The following DGKK variants were observed in gnomAD, a reference collection of about 807,000 sequenced individuals.
The protein encoded by DGKK is 142 kDa diacylglycerol kinase.
A neutral mutation model predicts 92.2 loss-of-function variants in DGKK; 35 were observed. That is an observed-to-expected ratio of 0.38 (90% confidence interval 0.29 to 0.50). DGKK has a LOEUF of 0.50. Ranked by LOEUF, DGKK falls within the 20% of genes least tolerant of loss-of-function variation. The pLI, the probability that DGKK is intolerant of heterozygous loss-of-function variation, is 0.92. For synonymous variants in DGKK, 368 were observed against 360.6 expected (o/e 1.02, Z -0.23); for missense variants, 910 against 992.2 (o/e 0.92, Z 1.11).
At chrX:50,386,249 T>G in intron 15 of DGKK, 109 bp downstream of exon 15, 2 of 551,218 alleles carry the variant, frequency 3.6e-6, no homozygotes, top group South Asian at 3.0e-5. Context: ...GAATCTAGAC[T>G]TTTTGTAGCA....
At chrX:50,403,395 T>C in intron 6 of DGKK, 96 bp downstream of exon 6, 1 of 925,403 alleles carries the variant, frequency 1.1e-6, no homozygotes, top group Non-Finnish European at 1.6e-6. Context: ...GGACTTTGCT[T>C]ATCTGGAGTT....
chrX:50,408,096 C>T (rs56393909), intron 4 of DGKK, among the ~76,000 whole-genome samples: 2 of 112,528 alleles, frequency 1.8e-5, no homozygotes. Flanking sequence ...CTGCTGTTGC[C>T]ATCATAGGCC....
chrX:50,372,381 C>T (rs1309683530), intron 25 of DGKK, among the ~76,000 whole-genome samples: 1 of 112,090 alleles, frequency 8.9e-6, no homozygotes, highest in East Asian at 2.8e-4. Context: ...ATAGCCTGCC[C>T]TCTATACAAC....
At chrX:50,465,336 G>A (rs782248625) in intron 1 of DGKK, among the ~76,000 whole-genome samples, 4 of 108,278 alleles carry the variant, frequency 3.7e-5, no homozygotes, top group South Asian at 4.0e-4. Context: ...CTTTCTTTTC[G>A]TTTTTAAAAT....
chrX:50,442,653 A>G (rs782176694), intron 1 of DGKK, among the ~76,000 whole-genome samples: 1 of 111,482 alleles, frequency 9.0e-6, no homozygotes, highest in African/African-American at 3.3e-5. Flanking sequence ...ATTGTTGAGT[A>G]ACAAATTACC....
chrX:50,469,178 T>C (rs782356225), intron 1 of DGKK, among the ~76,000 whole-genome samples: 1 of 111,418 alleles, frequency 9.0e-6, no homozygotes, highest in African/African-American at 3.3e-5. Flanking sequence ...GGTAGACTGG[T>C]AGAGATGAAG....
chrX:50,378,753 A>G, intron 20 of DGKK, 62 bp from the exon 21 acceptor site: 1 of 908,783 alleles, frequency 1.1e-6, no homozygotes, highest in African/African-American at 1.9e-5. Flanking sequence ...GTCTATAACA[A>G]GAAGGCATGT....
intron 1 of DGKK, among the ~76,000 whole-genome samples, chrX:50,437,895 C>G (rs1926074198): frequency 1.8e-5 from 2 of 110,857 alleles, no homozygotes; most frequent in East Asian, 5.7e-4. Flanking sequence ...AGATTGTGCC[C>G]TAATCCATAT....
chrX:50,380,181 A>C (rs1557224311), intron 18 of DGKK, 104 bp from the exon 19 acceptor site: 1 of 660,625 alleles, frequency 1.5e-6, no homozygotes, highest in African/African-American at 2.2e-5. Context: ...ATGCCTTCTT[A>C]CAGAGAGGAG....
intron 26 of DGKK, among the ~76,000 whole-genome samples, chrX:50,370,932 C>T (rs189836199): frequency 5.3e-5 from 6 of 112,507 alleles, no homozygotes; most frequent in African/African-American, 1.9e-4. Context: ...TGCTAGCTCA[C>T]ATGGAATCTC....
At chrX:50,450,822 A>G (rs1328070610) in intron 1 of DGKK, among the ~76,000 whole-genome samples, 3 of 111,731 alleles carry the variant, frequency 2.7e-5, no homozygotes, top group Non-Finnish European at 5.7e-5. Context: ...AACTGTGAGG[A>G]GCCTTAGGAT....
At position 50,435,758 on chromosome X, in the gene DGKK, A is replaced by G. The variant is rs182938030; in HGVS notation, c.646-11400T>C. On this transcript the variant is annotated intron_variant, in intron 1 of 27. Transcript: ENST00000611977. ...GTATGAGAGAGAGAGAGAGAGAGATATTCAGAAAGAGAGAGAGAGACTCAG... is the reference window on the plus strand; with the variant it reads ...GTATGAGAGAGAGAGAGAGAGAGATGTTCAGAAAGAGAGAGAGAGACTCAG... 3.7e-4 allele frequency among the ~76,000 whole-genome samples: 41 copies of G among 110,107 alleles called. 2 individuals are homozygous for G. In the East Asian group the frequency reaches 0.012, roughly 31 times the overall value.
At chrX:50,404,602 C>T (rs782009339) in intron 4 of DGKK, among the ~76,000 whole-genome samples, 14 of 109,557 alleles carry the variant, frequency 1.3e-4, no homozygotes, top group South Asian at 4.1e-4. Context: ...TGCACCACCA[C>T]GCCCGGCTAA....
At chrX:50,410,615 A>G (rs1489764228) in intron 4 of DGKK, among the ~76,000 whole-genome samples, 1 of 111,946 alleles carries the variant, frequency 8.9e-6, no homozygotes, top group Admixed American at 9.5e-5. Flanking sequence ...TCCACAGGCA[A>G]GAATACCATT....
At chrX:50,381,000 C>G (rs1557224387) in intron 18 of DGKK, among the ~76,000 whole-genome samples, 1 of 111,777 alleles carries the variant, frequency 8.9e-6, no homozygotes, top group Admixed American at 9.5e-5. Flanking sequence ...CTCCCAATTT[C>G]AAAAACTACT....
chrX:50,376,975 A>T, intron 22 of DGKK, 57 bp from the exon 23 acceptor site: 1 of 1,101,210 alleles, frequency 9.1e-7, no homozygotes, highest in South Asian at 2.4e-5. Context: ...AGTGCACATG[A>T]CAGATCTGTC....
intron 1 of DGKK, among the ~76,000 whole-genome samples, chrX:50,455,851 CATT>C (rs1926597303): frequency 1.8e-5 from 2 of 111,745 alleles, no homozygotes; most frequent in Admixed American, 1.9e-4. Flanking sequence ...TTTCCCTAAA[CATT>C]ATTTGCCCAC....
chrX:50,453,580 A>G (rs1256341367), intron 1 of DGKK, among the ~76,000 whole-genome samples: 1 of 111,691 alleles, frequency 9.0e-6, no homozygotes, highest in African/African-American at 3.2e-5. Flanking sequence ...AGGCCTTCCA[A>G]AAGTATGACA....
At chrX:50,394,742 G>A (rs1924796799) in intron 8 of DGKK, among the ~76,000 whole-genome samples, 1 of 111,537 alleles carries the variant, frequency 9.0e-6, no homozygotes, top group African/African-American at 3.3e-5. Flanking sequence ...GGAGGAGACA[G>A]ACCATAACAA....
Sources: allele counts gnomAD v4.1 joint callset (sites outside exome capture counted in the v4.1 genomes callset), GRCh38; gene constraint gnomAD v4.1.1; transcripts MANE v1.5; gene names NCBI Gene and HGNC (gene_info 2026-07-23, HGNC 2026-07-21).